RPS13: variants seen among roughly 807,000 people sequenced by gnomAD.
The protein encoded by RPS13 is ribosomal protein S13.
Under a neutral mutation model 24.6 loss-of-function variants are expected in RPS13, and 1 was observed. That is an observed-to-expected ratio of 0.04 (90% CI 0.01 to 0.19). RPS13 has a LOEUF of 0.19. Ranked by LOEUF, RPS13 falls within the 10% of genes least tolerant of loss-of-function variation. The probability of loss-of-function intolerance (pLI) is 1.00; values close to 1 mark genes in which losing one functional copy is unlikely to be tolerated. For synonymous variants in RPS13, 69 were observed against 65.3 expected (o/e 1.06, Z -0.27); for missense variants, 88 against 187.4 (o/e 0.47, Z 3.10).
At chr11:17,076,848 G>A in intron 3 of RPS13, 2 of 442,906 alleles carry the variant, frequency 4.5e-6, no homozygotes, top group Non-Finnish European at 8.3e-6. Context: ...CTAACTGTGA[G>A]GAACTGTGTC....
At chr11:17,075,295 A>G in intron 4 of RPS13, 98 bp from the exon 5 acceptor site, 3 of 1,013,912 alleles carry the variant, frequency 3.0e-6, no homozygotes, top group Non-Finnish European at 4.4e-6. Context: ...TGCACTTTCT[A>G]TAATGAAAAT....
intron 1 of RPS13, 34 bp from the exon 2 acceptor site, chr11:17,077,511 G>A (rs1181087627): frequency 6.8e-6 from 11 of 1,613,740 alleles, no homozygotes; most frequent in Non-Finnish European, 9.3e-6. Flanking sequence ...GTGAGGTGGC[G>A]GCTAGTGCCA....
Position 17,075,090 on chromosome 11 carries a change from T to C in RPS13, c.422+7A>G, listed in dbSNP as rs1224387860. 1.3e-6 allele frequency: 2 copies of C among 1,574,348 alleles called. No individual in the cohort carries two copies. The highest frequency in any genetic ancestry group is 1.7e-6 in the Non-Finnish European group (2 of 1,151,214). ...TTGATAACAACGACAAAAGAGTTGA[T>C]ACTTACTATTTCCAATTGGGAGGGA... On this transcript the variant is annotated splice_region_variant and intron_variant, in intron 5 of 5. Coordinates refer to ENST00000525634, the MANE Select transcript of RPS13 (RefSeq NM_001017.3).
Position 17,075,434 on chromosome 11 carries a change from G to C in RPS13, c.321+20C>G, listed in dbSNP as rs368482522. On this transcript the variant is annotated intron_variant, in intron 4 of 5. Transcript: ENST00000525634. ...GTACAAGCAGTCCTACTTAGCACCA[G>C]GTTTTATTTATTAGCTTACCTTTCT... The C allele has an allele frequency of 1.2e-4, 178 of 1,532,664 alleles. No individual in the cohort carries two copies. The highest frequency in any genetic ancestry group is 1.5e-4 in the Non-Finnish European group (169 of 1,142,542). 94.9% of individuals were successfully genotyped at this position (1,532,664 alleles called of 1,614,324 possible). A position where few individuals can be genotyped will look rare whatever the true frequency, so the allele number is the denominator to read the frequency against.
chr11:17,074,439 G>C lies in RPS13; in HGVS notation c.450C>G (p.Val150=), dbSNP rs374198523. The change falls in exon 6 of 6, where the codon GTC becomes GTG. Residue 150 remains valine (V), a synonymous_variant. Transcript: ENST00000525634. ...CTTGAGTACACAGACAAATTTATGC[G>C]ACCAGGGCAGAGGCTGTAGATGATT... ...KYESSTASAL[V]A 6.2e-7 allele frequency: 1 copy of C among 1,611,090 alleles called. No homozygotes were observed. Among genetic ancestry groups the C allele is most frequent in the Non-Finnish European group, 8.5e-7 (1 of 1,177,468 alleles).
rs1417717589 is a variant in RPS13, at chr11:17,074,471, AAAAGAAAAAAGGGG to A, written c.423-19_423-6del. 1.2e-6 allele frequency: 2 copies of A among 1,610,472 alleles called. No homozygotes were observed. Among genetic ancestry groups the A allele is most frequent in the Non-Finnish European group, 1.7e-6 (2 of 1,176,920 alleles). On this transcript the variant is annotated splice_region_variant and splice_polypyrimidine_tract_variant and intron_variant, in intron 5 of 5. Transcript: ENST00000525634. ...GCAGAGGCTGTAGATGATTCACTGA[AAAAGAAAAAAGGGG>A]AAAGAAAGAAAATCAGGATTAATAC...
chr11:17,076,433 G>A, intron 3 of RPS13: 1 of 302,142 alleles, frequency 3.3e-6, no homozygotes, highest in Non-Finnish European at 6.5e-6. Flanking sequence ...GCGGGCGCCT[G>A]TAATCCCACC....
intron 2 of RPS13, 44 bp downstream of exon 2, chr11:17,077,385 C>T (rs761784216): frequency 4.4e-6 from 7 of 1,597,238 alleles, no homozygotes; most frequent in Admixed American, 1.7e-5. Flanking sequence ...AGACAAATGC[C>T]AACCCCCTCC....
At chr11:17,074,724 G>A (rs1395397728) in intron 5 of RPS13, 1 of 684,610 alleles carries the variant, frequency 1.5e-6, no homozygotes, top group Admixed American at 2.0e-5. Context: ...GCGAATGTCT[G>A]GCAACCAATC....
rs3200417 is a variant in RPS13, at chr11:17,075,167, T to A, written c.352A>T (p.Ile118Leu). ...GCCAAACGGTGAATCCGGCTCTCTA[T>A]TAGAATCAGACGGAATTTAGCATCC... The part of the protein sequence containing the change: ...DKDAKFRLIL[I>L]ESRIHRLARY... Residue 118 changes from isoleucine (I) to leucine (L), a missense_variant, in exon 5 of 6, where the codon ATA becomes TTA. Physicochemically the swap from Ile to Leu is conservative, Grantham distance 5 (BLOSUM62 2). Coordinates refer to ENST00000525634, the MANE Select transcript of RPS13 (RefSeq NM_001017.3). The A allele has an allele frequency of 1.9e-6, 3 of 1,607,670 alleles. No homozygotes were observed. The highest frequency in any genetic ancestry group is 1.1e-5 in the South Asian group (1 of 89,482).
intron 3 of RPS13, chr11:17,076,370 A>C: frequency 3.4e-6 from 1 of 292,896 alleles, no homozygotes; most frequent in Non-Finnish European, 6.8e-6. Flanking sequence ...AGCCTGGGTG[A>C]CAAAGTGAGA....
At chr11:17,075,277 A>G in intron 4 of RPS13, 80 bp from the exon 5 acceptor site, 1 of 1,089,314 alleles carries the variant, frequency 9.2e-7, no homozygotes, top group South Asian at 1.5e-5. Flanking sequence ...GAGAATGTAG[A>G]GCTACCATGC....
At chr11:17,077,572 T>TGGGGG in intron 1 of RPS13, 47 bp downstream of exon 1, 1 of 1,592,328 alleles carries the variant, frequency 6.3e-7, no homozygotes, top group Non-Finnish European at 8.6e-7. Flanking sequence ...CTCCCTGTCT[T>TGGGGG]CCTCCCACCC....
rs746431777 is a variant in RPS13 at position 17,074,690 on chromosome 11, G to C, written c.423-224C>G. 3.1e-5 allele frequency: 22 copies of C among 700,648 alleles called. No homozygotes were observed. The South Asian group carries it at 3.3e-4, about 11-fold the overall frequency. 43.4% of individuals were successfully genotyped at this position (700,648 alleles called of 1,614,324 possible). A position where few individuals can be genotyped will look rare whatever the true frequency, so the allele number is the denominator to read the frequency against. On this transcript the variant is annotated intron_variant, in intron 5 of 5. Coordinates refer to ENST00000525634, the MANE Select transcript of RPS13 (RefSeq NM_001017.3). ...TCCAAGGAAGAACTGGCCAACATAA[G>C]GAAAAACATTTCTGGTGGAAACTGC... is the stretch of plus-strand genomic sequence containing the variant.
At chr11:17,076,029 T>C (rs867913767) in intron 3 of RPS13, 2 of 320,018 alleles carry the variant, frequency 6.2e-6, no homozygotes, top group Middle Eastern at 1.0e-3. Flanking sequence ...TTTCTTTTGA[T>C]GTGTCATACC....
Position 17,075,105 on chromosome 11 carries a change from A to G in RPS13, c.414T>C (p.Asn138=), listed in dbSNP as rs374087147. 10 of 1,604,048 alleles carry G rather than the reference A, an allele frequency of 6.2e-6. No individual in the cohort carries two copies. The highest frequency in any genetic ancestry group is 5.6e-5 in the South Asian group (5 of 89,804). Residue 138 remains asparagine, a synonymous_variant, in exon 5 of 6, where the codon AAT becomes AAC. Transcript: ENST00000525634. ...YYKTKRVLPP[N]WKYESSTASA... is the part of the protein sequence containing the mutation. ...AAAGAGTTGATACTTACTATTTCCA[A>G]TTGGGAGGGAGGACTCGCTTGGTCT...
intron 5 of RPS13, among the ~76,000 whole-genome samples, 199 bp downstream of exon 5, chr11:17,074,898 G>A (rs1202136887): frequency 6.6e-6 from 1 of 152,146 alleles, no homozygotes; most frequent in Non-Finnish European, 1.5e-5. Flanking sequence ...AAGACAAGCA[G>A]CCACACCCAT....
chr11:17,076,102 G>A (rs1848021907), intron 3 of RPS13: 1 of 263,682 alleles, frequency 3.8e-6, no homozygotes, highest in Admixed American at 4.9e-5. Flanking sequence ...CTTTTAAGAG[G>A]TGGGATCAGG....
chr11:17,076,894 T>G lies in RPS13; in HGVS notation c.151+274A>C, dbSNP rs748464207. 4.9e-5 allele frequency: 25 copies of G among 514,076 alleles called. No homozygotes were observed. In the South Asian group the frequency reaches 6.5e-4, roughly 13 times the overall value. 31.8% of individuals were successfully genotyped at this position (514,076 alleles called of 1,614,324 possible). A position where few individuals can be genotyped will look rare whatever the true frequency, so the allele number is the denominator to read the frequency against. ...CTTAGCCAATTCCAACTCCTCCACTTGACAGCTGTGTGATTTGGGGCTGGT... is the reference window on the plus strand; with the variant it reads ...CTTAGCCAATTCCAACTCCTCCACTGGACAGCTGTGTGATTTGGGGCTGGT... On this transcript the variant is annotated intron_variant, in intron 3 of 5. Coordinates refer to ENST00000525634, the MANE Select transcript of RPS13 (RefSeq NM_001017.3).
Sources: allele counts gnomAD v4.1 joint callset (sites outside exome capture counted in the v4.1 genomes callset), GRCh38; gene constraint gnomAD v4.1.1; transcripts MANE v1.5; gene names NCBI Gene and HGNC (gene_info 2026-07-23, HGNC 2026-07-21).